PDE4C: variants seen among roughly 807,000 people sequenced by gnomAD.
PDE4C encodes the protein 3',5'-cyclic-AMP phosphodiesterase 4C.
PDE4C carries 50 observed loss-of-function variants against 63.9 expected under a neutral mutation model. That is an observed-to-expected ratio of 0.78 (90% CI 0.62 to 0.99). PDE4C has a LOEUF of 0.99. Among genes scored for constraint, PDE4C ranks in the 50% least tolerant of loss-of-function variants. The pLI, the probability that PDE4C is intolerant of heterozygous loss-of-function variation, is 0.00. For synonymous variants in PDE4C, 377 were observed against 385.1 expected, an observed-to-expected ratio of 0.98 and a Z score of 0.25; for missense variants, 777 against 899.1, an observed-to-expected ratio of 0.86 and a Z score of 1.74.
intron 12 of PDE4C, 137 bp from the exon 13 acceptor site, chr19:18,213,627 C>A (rs746357416): frequency 1.4e-4 from 137 of 987,614 alleles, no homozygotes; most frequent in Admixed American, 1.3e-3. Context: ...TGGAAGGATG[C>A]AACTGCATTC....
chr19:18,226,462 C>G, exon 1 of PDE4C: 1 of 1,332,082 alleles, frequency 7.5e-7, no homozygotes, highest in Admixed American at 4.1e-5. Flanking sequence ...TGCGCGGGAC[C>G]TTTTCTGGAC....
exon 15 of PDE4C, chr19:18,211,234 A>T (rs761395563): frequency 6.2e-7 from 1 of 1,608,308 alleles, no homozygotes; most frequent in Non-Finnish European, 8.5e-7. Flanking sequence ...AGGTCAGCCC[A>T]AGTCTCCCAC....
chr19:18,235,714 C>T (rs1010530915), upstream of PDE4C, among the ~76,000 whole-genome samples: 1 of 152,090 alleles, frequency 6.6e-6, no homozygotes, highest in Admixed American at 6.6e-5. Flanking sequence ...CTCTCACTCT[C>T]CAGGGCACCC....
upstream of PDE4C, among the ~76,000 whole-genome samples, chr19:18,230,542 G>A (rs1968826997): frequency 6.6e-6 from 1 of 152,076 alleles, no homozygotes; most frequent in Non-Finnish European, 1.5e-5. Flanking sequence ...AGCATAAACA[G>A]AGAGCCTCTC....
At chr19:18,226,522 C>T, upstream of PDE4C, 1 of 872,504 alleles carries the variant, frequency 1.1e-6, no homozygotes, top group South Asian at 3.7e-5. Context: ...CGCATCGGCC[C>T]CGCCTCGAGG....
chr19:18,213,925 C>T (rs1195395569), intron 12 of PDE4C, among the ~76,000 whole-genome samples: 1 of 152,208 alleles, frequency 6.6e-6, no homozygotes, highest in Admixed American at 6.5e-5. Context: ...TGGAATGCCG[C>T]TTCCCAACTC....
At chr19:18,241,480 G>A (rs969263510) in intron 1 of PDE4C, among the ~76,000 whole-genome samples, 11 of 151,860 alleles carry the variant, frequency 7.2e-5, no homozygotes, top group Non-Finnish European at 1.6e-4. Context: ...TGTTAGCTGG[G>A]ATGGTCTCGA....
chr19:18,244,625 G>A, intron 1 of PDE4C, among the ~76,000 whole-genome samples: 1 of 151,872 alleles, frequency 6.6e-6, no homozygotes, highest in Non-Finnish European at 1.5e-5. Flanking sequence ...CGATCCTTCT[G>A]CCTCAGCCTC....
chr19:18,221,015 C>T (rs1347859988), intron 4 of PDE4C, 90 bp downstream of exon 4: 1 of 1,405,886 alleles, frequency 7.1e-7, no homozygotes, highest in Non-Finnish European at 9.6e-7. Context: ...CACCTGGAGG[C>T]GCCGGAGCCC....
chr19:18,241,599 A>AGCGT (rs1969041419), intron 1 of PDE4C, among the ~76,000 whole-genome samples: 1 of 151,292 alleles, frequency 6.6e-6, no homozygotes, highest in South Asian at 2.1e-4. Context: ...CCCAGGCTGG[A>AGCGT]GCGTGCAGTG....
chr19:18,235,680 C>A (rs1012046548), upstream of PDE4C, among the ~76,000 whole-genome samples: 6 of 152,102 alleles, frequency 3.9e-5, no homozygotes, highest in Non-Finnish European at 4.4e-5. Flanking sequence ...CAATATTGAC[C>A]AACTCTCTCT....
At chr19:18,241,265 T>G (rs1441625838) in intron 1 of PDE4C, among the ~76,000 whole-genome samples, 6 of 44,400 alleles carry the variant, frequency 1.4e-4, no homozygotes, top group African/African-American at 3.3e-4. Context: ...GTTTTTTTTT[T>G]TTTTTTTTTT....
intron 1 of PDE4C, among the ~76,000 whole-genome samples, chr19:18,244,158 G>A (rs910728394): frequency 6.6e-6 from 1 of 151,978 alleles, no homozygotes; most frequent in South Asian, 2.1e-4. Flanking sequence ...GGCATGAACT[G>A]CTGCACCTGG....
chr19:18,233,506 C>T (rs1420754472), exon 1 of PDE4C: 1 of 626,934 alleles, frequency 1.6e-6, no homozygotes, highest in Non-Finnish European at 3.0e-6. Context: ...CTGCCGTCCC[C>T]TATAGCGCTG....
At chr19:18,244,485 GTTTTGT>G (rs1420916102) in intron 1 of PDE4C, among the ~76,000 whole-genome samples, 1 of 151,522 alleles carries the variant, frequency 6.6e-6, no homozygotes, top group African/African-American at 2.4e-5. Context: ...TTGTTGTTGG[GTTTTGT>G]TGTTGTTGTT....
chr19:18,226,765 C>T (rs1968745383), upstream of PDE4C, among the ~76,000 whole-genome samples: 1 of 152,024 alleles, frequency 6.6e-6, no homozygotes, highest in African/African-American at 2.4e-5. Flanking sequence ...ACCACCACGC[C>T]CGGGCTAATG....
At chr19:18,239,233 A>T (rs1162379281) in intron 1 of PDE4C, among the ~76,000 whole-genome samples, 1 of 152,206 alleles carries the variant, frequency 6.6e-6, no homozygotes, top group Admixed American at 6.5e-5. Flanking sequence ...TCATAAATAA[A>T]AGCAATTCTG....
upstream of PDE4C, among the ~76,000 whole-genome samples, chr19:18,228,854 C>T (rs1968793489): frequency 6.6e-6 from 1 of 152,216 alleles, no homozygotes; most frequent in South Asian, 2.1e-4. Context: ...ACCCTGACTC[C>T]ATCCCTGCAT....
chr19:18,248,537 T>C (rs569917846), upstream of PDE4C, among the ~76,000 whole-genome samples: 8 of 151,538 alleles, frequency 5.3e-5, no homozygotes, highest in South Asian at 1.7e-3. Context: ...TGTTTGCATA[T>C]GATAGAGTGA....
Sources: allele counts gnomAD v4.1 joint callset (sites outside exome capture counted in the v4.1 genomes callset), GRCh38; gene constraint gnomAD v4.1.1; transcripts MANE v1.5; gene names NCBI Gene and HGNC (gene_info 2026-07-23, HGNC 2026-07-21).